USH2A: variants seen among roughly 807,000 people sequenced by gnomAD.
The protein encoded by USH2A is Usher syndrome 2A (autosomal recessive, mild).
USH2A carries 443 observed loss-of-function variants against 538.9 expected under a neutral mutation model. That is an observed-to-expected ratio of 0.82 (90% confidence interval 0.76 to 0.89). USH2A has a LOEUF of 0.89. USH2A is among the 40% of genes least tolerant of loss of function. The probability of loss-of-function intolerance (pLI) is 0.00; values close to 1 mark genes in which losing one functional copy is unlikely to be tolerated. For synonymous variants in USH2A, 2,413 were observed against 2,273.5 expected (o/e 1.06, Z -1.75); for missense variants, 6,633 against 6,324.8 (o/e 1.05, Z -1.65).
At chr1:215,734,144 TC>T (rs1239018294) in intron 60 of USH2A, among the ~76,000 whole-genome samples, 1 of 152,198 alleles carries the variant, frequency 6.6e-6, no homozygotes, top group African/African-American at 2.4e-5. Context: ...CTGCCAAGCC[TC>T]CTTCATGCTT....
intron 27 of USH2A, among the ~76,000 whole-genome samples, chr1:216,077,028 A>T (rs980646116): frequency 6.6e-6 from 1 of 152,102 alleles, no homozygotes; most frequent in Admixed American, 6.6e-5. Flanking sequence ...GTGTCTTGCT[A>T]TCTGCTTACT....
chr1:215,827,339 G>T (rs1380550774), intron 47 of USH2A, among the ~76,000 whole-genome samples: 1 of 152,160 alleles, frequency 6.6e-6, no homozygotes, highest in Non-Finnish European at 1.5e-5. Context: ...ACTGGATTTT[G>T]CTGAAAGGCA....
chr1:215,706,867 T>A (rs991395816), intron 61 of USH2A, among the ~76,000 whole-genome samples: 2 of 152,246 alleles, frequency 1.3e-5, no homozygotes, highest in Non-Finnish European at 2.9e-5. Flanking sequence ...GATTATGATC[T>A]ATTGATTATC....
intron 23 of USH2A, 102 bp from the exon 24 acceptor site, chr1:216,086,922 C>T: frequency 1.2e-6 from 1 of 844,764 alleles, no homozygotes; most frequent in Non-Finnish European, 2.0e-6. Context: ...ATACCACTCT[C>T]TTGGTTTTCC....
At chr1:215,703,392 G>C (rs572197540) in intron 61 of USH2A, among the ~76,000 whole-genome samples, 3 of 152,328 alleles carry the variant, frequency 2.0e-5, no homozygotes, top group African/African-American at 7.2e-5. Flanking sequence ...GAACGTTTAA[G>C]TCTGCTGAAG....
chr1:216,065,998 A>T (rs149829786), intron 30 of USH2A, among the ~76,000 whole-genome samples: 1 of 152,182 alleles, frequency 6.6e-6, no homozygotes, highest in Non-Finnish European at 1.5e-5. Flanking sequence ...TAAAAAACTA[A>T]TCTCTCTAGT....
intron 21 of USH2A, among the ~76,000 whole-genome samples, chr1:216,132,995 A>C (rs1316904238): frequency 6.6e-6 from 1 of 152,118 alleles, no homozygotes; most frequent in Non-Finnish European, 1.5e-5. Context: ...AATTCCCAAA[A>C]TGTTGATGCG....
intron 32 of USH2A, among the ~76,000 whole-genome samples, chr1:216,023,533 G>A (rs140686658): frequency 2.2e-5 from 3 of 137,716 alleles, no homozygotes; most frequent in African/African-American, 8.0e-5. Context: ...TTTTGACCTT[G>A]AGGAGAGAAA....
Position 215,793,302 on chromosome 1 carries a change from C to A in USH2A, c.9959-3020G>T, listed in dbSNP as rs115261032. Among the ~76,000 whole-genome samples, 218 of 151,900 alleles carry A rather than the reference C, an allele frequency of 1.4e-3. 3 individuals carry two copies. The highest frequency in any genetic ancestry group is 5.1e-3 in the African/African-American group (213 of 41,412). On this transcript the variant is annotated intron_variant, in intron 50 of 71. Coordinates refer to ENST00000307340, the MANE Select transcript of USH2A (RefSeq NM_206933.4). ...TAGTAAAATCCAGTCTGGAATATGA[C>A]AAATCATTGTGAAACTCTGAGATTG... is the stretch of plus-strand genomic sequence containing the variant.
intron 50 of USH2A, among the ~76,000 whole-genome samples, chr1:215,793,568 C>CAA (rs71646414): frequency 1.3e-5 from 2 of 149,472 alleles, no homozygotes; most frequent in African/African-American, 4.9e-5. Context: ...TTACACTTTT[C>CAA]AAAAAAAAAA....
intron 49 of USH2A, among the ~76,000 whole-genome samples, chr1:215,809,103 G>A (rs1273678693): frequency 6.6e-6 from 1 of 152,116 alleles, no homozygotes; most frequent in Non-Finnish European, 1.5e-5. Flanking sequence ...CGAGCTTATT[G>A]TAAACAGTAA....
chr1:215,914,177 G>A (rs771255559), intron 38 of USH2A, among the ~76,000 whole-genome samples: 10 of 149,460 alleles, frequency 6.7e-5, no homozygotes, highest in Admixed American at 6.1e-4. Flanking sequence ...AGGTTCGAGC[G>A]ATTCTTCTGC....
At chr1:215,958,760 C>A (rs1667130090) in intron 37 of USH2A, among the ~76,000 whole-genome samples, 1 of 152,234 alleles carries the variant, frequency 6.6e-6, no homozygotes, top group Non-Finnish European at 1.5e-5. Context: ...CCTCAGTCCT[C>A]CCCTAACACT....
intron 11 of USH2A, among the ~76,000 whole-genome samples, chr1:216,278,633 A>G (rs572748551): frequency 2.6e-5 from 4 of 152,290 alleles, no homozygotes; most frequent in South Asian, 4.2e-4. Context: ...CACCACCTCA[A>G]TGTATACATC....
At chr1:216,000,148 G>C (rs1668232830) in intron 33 of USH2A, among the ~76,000 whole-genome samples, 1 of 152,144 alleles carries the variant, frequency 6.6e-6, no homozygotes, top group Admixed American at 6.6e-5. Context: ...AGGCAGTCAT[G>C]AAAGTGGTCA....
At chr1:215,977,962 C>T (rs1407833748) in intron 35 of USH2A, among the ~76,000 whole-genome samples, 1 of 152,020 alleles carries the variant, frequency 6.6e-6, no homozygotes, top group African/African-American at 2.4e-5. Flanking sequence ...CCTGTCTCTA[C>T]AAAAAATGCA....
intron 21 of USH2A, among the ~76,000 whole-genome samples, chr1:216,112,216 G>A (rs2032892708): frequency 6.6e-6 from 1 of 151,984 alleles, no homozygotes; most frequent in Admixed American, 6.6e-5. Context: ...CCAAAGTTGT[G>A]TTATCTTATT....
At chr1:215,761,790 A>C (rs1465661790) in intron 56 of USH2A, among the ~76,000 whole-genome samples, 1 of 152,178 alleles carries the variant, frequency 6.6e-6, no homozygotes, top group East Asian at 1.9e-4. Flanking sequence ...CAGCAGTGAG[A>C]AAGTTCAGTC....
intron 27 of USH2A, 67 bp from the exon 28 acceptor site, chr1:216,073,367 C>T: frequency 6.5e-7 from 1 of 1,534,698 alleles, no homozygotes; most frequent in Non-Finnish European, 8.9e-7. Flanking sequence ...TCATTTTTGT[C>T]CTCTGCAGCA....
Sources: allele counts gnomAD v4.1 joint callset (sites outside exome capture counted in the v4.1 genomes callset), GRCh38; gene constraint gnomAD v4.1.1; transcripts MANE v1.5; gene names NCBI Gene and HGNC (gene_info 2026-07-23, HGNC 2026-07-21).